The following SLC11A2 variants were observed in gnomAD, a reference collection of about 807,000 sequenced individuals.
SLC11A2 encodes the protein solute carrier family 11 member 2.
Under a neutral mutation model 68.0 loss-of-function variants are expected in SLC11A2, and 38 were observed. The observed-to-expected ratio is 0.56, with a 90% CI of 0.43 to 0.73. SLC11A2 has a LOEUF of 0.73. Ranked by LOEUF, SLC11A2 falls within the 30% of genes least tolerant of loss-of-function variation. SLC11A2 has a pLI of 0.00. For missense variants in SLC11A2, 517 were observed against 690.5 expected (o/e 0.75, Z 2.82); for synonymous variants, 242 against 250.6 (o/e 0.97, Z 0.32).
upstream of SLC11A2, among the ~76,000 whole-genome samples, chr12:51,027,349 G>A (rs1472611960): frequency 6.6e-6 from 1 of 151,826 alleles, no homozygotes; most frequent in Non-Finnish European, 1.5e-5. Context: ...AAAAAAAAAG[G>A]ATAGCCACCT....
the SLC11A2 span, among the ~76,000 whole-genome samples, chr12:50,967,843 T>C: frequency 1.3e-5 from 2 of 152,132 alleles, no homozygotes; most frequent in Non-Finnish European, 2.9e-5. Context: ...GCTGGGTGTA[T>C]TGGGAGTCCA....
rs200431258 is a variant in SLC11A2 at position 51,011,552 on chromosome 12, G to T, written c.-38-786C>A. Among the ~76,000 whole-genome samples, 588 of 125,152 alleles carry T rather than the reference G, an allele frequency of 4.7e-3. 2 individuals are homozygous for T. Among genetic ancestry groups the T allele is most frequent in the African/African-American group, 0.014 (474 of 34,272 alleles). 82.1% of individuals were successfully genotyped at this position (125,152 alleles called of 152,430 possible). ...CACATTTCCCCCTATTTTATGAGTT[G>T]TTTTTTTTTGTTTTTTTTTTAGTTT... is the stretch of plus-strand genomic sequence containing the variant. On this transcript the variant is annotated intron_variant, in intron 1 of 15. Coordinates refer to ENST00000262052, the MANE Select transcript of SLC11A2 (RefSeq NM_000617.3).
rs1165433382 is a variant in SLC11A2, at chr12:50,988,031, C to T, written c.*294G>A. The T allele has an allele frequency of 4.4e-6, 6 of 1,367,632 alleles. No homozygotes were observed. Among genetic ancestry groups the T allele is most frequent in the South Asian group, 2.4e-5 (2 of 81,720 alleles). The allele number at this position is 1,367,632 out of a possible 1,614,324, so 84.7% of individuals were successfully genotyped here. Reference sequence around the variant, plus strand: ...AGAATCATGCATATCCTTGTCTCTCCGAAGGATAAACTGAGCTGGCCCTTG... The same window carrying T: ...AGAATCATGCATATCCTTGTCTCTCTGAAGGATAAACTGAGCTGGCCCTTG... On this transcript the variant is annotated 3_prime_UTR_variant, in exon 16 of 16. Transcript: ENST00000262052.
At chr12:50,969,661 T>G in the SLC11A2 span, among the ~76,000 whole-genome samples, 548 of 150,654 alleles carry the variant, frequency 3.6e-3, 1 homozygote, top group Middle Eastern at 0.031. Flanking sequence ...ATCACGCCAT[T>G]GTACCACTCC....
At chr12:50,974,975 C>T (rs1939829803), downstream of SLC11A2, among the ~76,000 whole-genome samples, 2 of 152,162 alleles carry the variant, frequency 1.3e-5, no homozygotes, top group Middle Eastern at 3.2e-3. Flanking sequence ...TATAGGAGCA[C>T]CCAGATTCAT....
chr12:50,958,385 C>T, the SLC11A2 span, among the ~76,000 whole-genome samples: 2 of 151,030 alleles, frequency 1.3e-5, no homozygotes, highest in African/African-American at 4.9e-5. Flanking sequence ...GGGTTCACAC[C>T]ATTCTCCTGT....
rs1942009112 is a variant in SLC11A2, at chr12:50,999,339, C to G, written c.607+6G>C. The G allele has an allele frequency of 4.3e-6, 7 of 1,613,336 alleles. No individual in the cohort carries two copies. The East Asian group carries it at 1.3e-4, about 31-fold the overall frequency. On this transcript the variant is annotated splice_donor_region_variant and intron_variant, in intron 7 of 15. Transcript: ENST00000262052. ...CCTTTGACCCTCCCATTCCCGCTCTCCTTACCATATTTGTCCAAGAAGAGA... is the reference window on the plus strand; with the variant it reads ...CCTTTGACCCTCCCATTCCCGCTCTGCTTACCATATTTGTCCAAGAAGAGA...
chr12:50,963,289 G>A, the SLC11A2 span, among the ~76,000 whole-genome samples: 7 of 143,956 alleles, frequency 4.9e-5, no homozygotes, highest in East Asian at 1.4e-3. Context: ...AGAATTGCTC[G>A]AACCTGGGAA....
At chr12:51,010,077 G>C (rs938624755) in intron 2 of SLC11A2, among the ~76,000 whole-genome samples, 1 of 151,960 alleles carries the variant, frequency 6.6e-6, no homozygotes, top group Non-Finnish European at 1.5e-5. Flanking sequence ...CCAGGTGCTC[G>C]TGATGCTGAG....
In SLC11A2 at chr12:50,988,236, C is replaced by T. The variant is rs1182949352; in HGVS notation, c.*89G>A. On this transcript the variant is annotated 3_prime_UTR_variant, in exon 16 of 16. Coordinates refer to ENST00000262052, the MANE Select transcript of SLC11A2 (RefSeq NM_000617.3). ...TGAGTCATAAACACAGTCTGTGCAA[C>T]GGCACATACTTTTGGCTATGTTCAC... 6.9e-6 allele frequency: 11 copies of T among 1,600,990 alleles called. No homozygotes were observed. The highest frequency in any genetic ancestry group is 4.5e-5 in the East Asian group (2 of 44,300).
chr12:51,020,774 A>C (rs1189258008), intron 1 of SLC11A2, among the ~76,000 whole-genome samples: 1 of 152,196 alleles, frequency 6.6e-6, no homozygotes. Flanking sequence ...TCCCTAAACA[A>C]TACAGAACAA....
chr12:50,983,622 G>A (rs547512470), downstream of SLC11A2, among the ~76,000 whole-genome samples: 10 of 152,234 alleles, frequency 6.6e-5, no homozygotes, highest in South Asian at 1.9e-3. Flanking sequence ...CAGATCACTT[G>A]AGGTCAGGAG....
At chr12:51,004,550 A>C (rs552184291) in intron 5 of SLC11A2, among the ~76,000 whole-genome samples, 2 of 152,198 alleles carry the variant, frequency 1.3e-5, no homozygotes, top group Non-Finnish European at 2.9e-5. Flanking sequence ...ATGGTAACAC[A>C]GTTTTTCTAA....
intron 5 of SLC11A2, 29 bp from the exon 6 acceptor site, chr12:51,000,448 T>G: frequency 6.6e-7 from 1 of 1,520,522 alleles, no homozygotes; most frequent in Non-Finnish European, 9.1e-7. Flanking sequence ...AAAGACACGG[T>G]TCTGATTAAT....
chr12:50,982,175 C>G (rs927070384), downstream of SLC11A2, among the ~76,000 whole-genome samples: 1 of 152,196 alleles, frequency 6.6e-6, no homozygotes, highest in African/African-American at 2.4e-5. Flanking sequence ...CCAATGGTTT[C>G]AATCCTGAGC....
intron 8 of SLC11A2, among the ~76,000 whole-genome samples, chr12:50,997,851 G>A (rs949782856): frequency 2.0e-5 from 3 of 150,978 alleles, no homozygotes; most frequent in African/African-American, 7.3e-5. Context: ...AACCAGGCAC[G>A]GTGGCGGGCA....
the SLC11A2 span, chr12:50,953,888 A>G: frequency 1.6e-6 from 1 of 628,266 alleles, no homozygotes; most frequent in Non-Finnish European, 2.8e-6. Context: ...CTTATCAAAC[A>G]AATGAAAACA....
chr12:50,980,457 A>G (rs1446399962), downstream of SLC11A2: 2 of 152,484 alleles, frequency 1.3e-5, no homozygotes, highest in African/African-American at 4.8e-5. Context: ...GATCACGTCA[A>G]TGCATTCCCA....
chr12:50,964,362 C>A, the SLC11A2 span, among the ~76,000 whole-genome samples: 18 of 152,340 alleles, frequency 1.2e-4, no homozygotes, highest in East Asian at 3.3e-3. Context: ...AACCTTCATT[C>A]CTTCATGCCT....
Sources: gnomAD v4.1 joint callset for allele counts (sites outside exome capture counted in the v4.1 genomes callset) on GRCh38, gnomAD v4.1.1 for gene constraint, MANE v1.5 for transcripts, NCBI Gene and HGNC (gene_info 2026-07-23, HGNC 2026-07-21) for gene names.